The following RORB variants were observed in gnomAD, a reference collection of about 807,000 sequenced individuals.
RORB encodes nuclear receptor ROR-beta.
RORB carries 6 observed loss-of-function variants against 59.1 expected under a neutral mutation model. That is an observed-to-expected ratio of 0.10 (90% CI 0.06 to 0.20). The LOEUF (loss-of-function observed/expected upper bound fraction) is 0.20. Ranked by LOEUF, RORB falls within the 10% of genes least tolerant of loss-of-function variation. The probability of loss-of-function intolerance (pLI) is 1.00; values close to 1 mark genes in which losing one functional copy is unlikely to be tolerated. For missense variants in RORB, 320 were observed against 560.5 expected, an observed-to-expected ratio of 0.57 and a Z score of 4.33; for synonymous variants, 215 against 204.5, an observed-to-expected ratio of 1.05 and a Z score of -0.44.
intron 1 of RORB, among the ~76,000 whole-genome samples, chr9:74,531,841 G>C (rs1380515736): frequency 6.6e-6 from 1 of 151,842 alleles, no homozygotes; most frequent in Non-Finnish European, 1.5e-5. Flanking sequence ...AAAGACTGCT[G>C]TCTTCTTGCA....
intron 1 of RORB, among the ~76,000 whole-genome samples, chr9:74,501,266 T>C (rs1825800709): frequency 6.6e-6 from 1 of 152,218 alleles, no homozygotes; most frequent in Non-Finnish European, 1.5e-5. Context: ...AAAGTCTAGT[T>C]TTCCTCTATT....
intron 1 of RORB, among the ~76,000 whole-genome samples, chr9:74,521,843 T>C (rs1826089679): frequency 6.6e-6 from 1 of 151,794 alleles, no homozygotes; most frequent in African/African-American, 2.4e-5. Flanking sequence ...TGTAATAGTA[T>C]GAAAGTATGG....
intron 1 of RORB, among the ~76,000 whole-genome samples, chr9:74,568,624 C>G (rs1389884467): frequency 6.8e-6 from 1 of 148,038 alleles, no homozygotes; most frequent in South Asian, 2.1e-4. Flanking sequence ...CACTTGAACC[C>G]GGGAAGCAGA....
intron 6 of RORB, among the ~76,000 whole-genome samples, chr9:74,664,693 A>G (rs1824239881): frequency 1.3e-5 from 2 of 152,228 alleles, no homozygotes; most frequent in African/African-American, 4.8e-5. Flanking sequence ...ATCAGCAAAC[A>G]TATGTACAGC....
intron 3 of RORB, among the ~76,000 whole-genome samples, chr9:74,637,416 G>T (rs1823724548): frequency 6.6e-6 from 1 of 152,064 alleles, no homozygotes; most frequent in Non-Finnish European, 1.5e-5. Context: ...TATCAATAAT[G>T]AATTTGTTCA....
intron 3 of RORB, among the ~76,000 whole-genome samples, chr9:74,635,497 GT>G: frequency 6.6e-6 from 1 of 152,246 alleles, no homozygotes. Flanking sequence ...TTTGTTTTCC[GT>G]TTTCATTCAT....
At chr9:74,559,294 C>T (rs1009463665) in intron 1 of RORB, among the ~76,000 whole-genome samples, 9 of 152,098 alleles carry the variant, frequency 5.9e-5, no homozygotes, top group East Asian at 1.9e-4. Flanking sequence ...TCTAAAACCC[C>T]GGAAGAGGTA....
chr9:74,581,951 T>C (rs1822731257), intron 1 of RORB, among the ~76,000 whole-genome samples: 1 of 152,204 alleles, frequency 6.6e-6, no homozygotes, highest in African/African-American at 2.4e-5. Context: ...ATTTTAGCTC[T>C]TAAAGTCTAT....
chr9:74,524,850 T>G (rs750690275), intron 1 of RORB, among the ~76,000 whole-genome samples: 1 of 151,852 alleles, frequency 6.6e-6, no homozygotes, highest in Non-Finnish European at 1.5e-5. Flanking sequence ...TTGTTAAAAA[T>G]TTTTTGAAAA....
intron 1 of RORB, among the ~76,000 whole-genome samples, chr9:74,528,167 G>T (rs1044617222): frequency 6.6e-6 from 1 of 152,090 alleles, no homozygotes; most frequent in East Asian, 1.9e-4. Flanking sequence ...AGACCTTGAA[G>T]GAAGAGGAGC....
rs572976823 is a variant in RORB at position 74,602,605 on chromosome 9, G to C, written c.8-27677G>C. 2.6e-5 allele frequency among the ~76,000 whole-genome samples: 4 copies of C among 152,280 alleles called. No homozygotes were observed. The East Asian group carries it at 7.7e-4, about 29-fold the overall frequency. ...GACTGTTATGACCCTAAGCTATTTT[G>C]TTGGAACTGAGCCATACCCACAGAG... On this transcript the variant is annotated intron_variant, in intron 1 of 9. Coordinates refer to ENST00000376896, the MANE Select transcript of RORB (RefSeq NM_006914.4).
intron 1 of RORB, among the ~76,000 whole-genome samples, chr9:74,585,533 C>T (rs1333385455): frequency 6.6e-6 from 1 of 152,070 alleles, no homozygotes; most frequent in Non-Finnish European, 1.5e-5. Context: ...TGGTAAAGTC[C>T]TCTCCTCCTT....
intron 1 of RORB, among the ~76,000 whole-genome samples, chr9:74,620,120 C>T (rs1482468339): frequency 2.0e-5 from 3 of 152,118 alleles, no homozygotes; most frequent in Non-Finnish European, 4.4e-5. Flanking sequence ...AGGAATGGTA[C>T]CAGCTCCTTT....
At chr9:74,575,644 TA>T (rs915510621) in intron 1 of RORB, among the ~76,000 whole-genome samples, 1 of 151,862 alleles carries the variant, frequency 6.6e-6, no homozygotes, top group Non-Finnish European at 1.5e-5. Flanking sequence ...GCCCAATTGT[TA>T]AAAAAAATCT....
rs1824651219 is a variant in RORB, at chr9:74,686,622, A to G, written c.*1004A>G. 6.6e-6 allele frequency: 1 copy of G among 152,238 alleles called. No individual in the cohort carries two copies. The highest frequency in any genetic ancestry group is 1.5e-5 in the Non-Finnish European group (1 of 68,010). 9.4% of individuals were successfully genotyped at this position (152,238 alleles called of 1,614,324 possible). ...TTCAACTGAAAAATACAATCTGTGGATTATGACTACCAGCAATTTTTTTCT... is the reference window on the plus strand; with the variant it reads ...TTCAACTGAAAAATACAATCTGTGGGTTATGACTACCAGCAATTTTTTTCT... On this transcript the variant is annotated 3_prime_UTR_variant, in exon 10 of 10. Transcript: ENST00000376896.
Position 74,685,690 on chromosome 9 carries a change from A to G in RORB, c.*72A>G. On this transcript the variant is annotated 3_prime_UTR_variant, in exon 10 of 10. Transcript: ENST00000376896. Reference sequence around the variant, plus strand: ...AGACAAAAGCAATGTGTTCATGAAGACTTAAGAAAAATGTCACTACTGCAA... The same window carrying G: ...AGACAAAAGCAATGTGTTCATGAAGGCTTAAGAAAAATGTCACTACTGCAA... The G allele has an allele frequency of 8.0e-7, 1 of 1,244,652 alleles. No individual in the cohort carries two copies. The highest frequency in any genetic ancestry group is 1.1e-6 in the Non-Finnish European group (1 of 925,562). The allele number at this position is 1,244,652 out of a possible 1,614,324, so 77.1% of individuals were successfully genotyped here.
At position 74,618,516 on chromosome 9, in the gene RORB, T is replaced by A. The variant is rs867712075; in HGVS notation, c.8-11766T>A. ...GATCACTATATTTTAGAACATAGCC[T>A]CCTTCTTTTCTCTGCCGTCCTGGCT... On this transcript the variant is annotated intron_variant, in intron 1 of 9. Coordinates refer to ENST00000376896, the MANE Select transcript of RORB (RefSeq NM_006914.4). 5.3e-5 allele frequency among the ~76,000 whole-genome samples: 8 copies of A among 152,288 alleles called. 1 individual carries two copies. The highest frequency in any genetic ancestry group is 2.6e-4 in the Admixed American group (4 of 15,288).
chr9:74,498,270 T>G (rs998790809), intron 1 of RORB: 6 of 469,654 alleles, frequency 1.3e-5, no homozygotes, highest in African/African-American at 1.9e-5. Context: ...GAATCTTTTT[T>G]GCTTGTCGCT....
chr9:74,535,502 C>T (rs879074240), intron 1 of RORB, among the ~76,000 whole-genome samples: 2 of 152,048 alleles, frequency 1.3e-5, no homozygotes, highest in Admixed American at 6.6e-5. Flanking sequence ...AACGCAATCA[C>T]GGGAGGCTTC....
Sources: gnomAD v4.1 joint callset for allele counts (sites outside exome capture counted in the v4.1 genomes callset) on GRCh38, gnomAD v4.1.1 for gene constraint, MANE v1.5 for transcripts, NCBI Gene and HGNC (gene_info 2026-07-23, HGNC 2026-07-21) for gene names.